The following UPF2 variants were observed in gnomAD, a reference collection of about 807,000 sequenced individuals.
UPF2 encodes the protein regulator of nonsense transcripts 2.
A neutral mutation model predicts 141.4 loss-of-function variants in UPF2; 17 were observed. That is an observed-to-expected ratio of 0.12 (90% confidence interval 0.08 to 0.18). The LOEUF is 0.18. Among genes scored for constraint, UPF2 ranks in the 10% least tolerant of loss-of-function variants. The probability of loss-of-function intolerance (pLI) is 1.00; values close to 1 mark genes in which losing one functional copy is unlikely to be tolerated. For synonymous variants in UPF2, 540 were observed against 498.0 expected, an observed-to-expected ratio of 1.08 and a Z score of -1.12; for missense variants, 1,152 against 1,515.9, an observed-to-expected ratio of 0.76 and a Z score of 3.99.
At chr10:11,965,324 C>G (rs1008886675) in intron 10 of UPF2, among the ~76,000 whole-genome samples, 1 of 152,156 alleles carries the variant, frequency 6.6e-6, no homozygotes. Flanking sequence ...TTTCAGCACT[C>G]AGAACATTTT....
intron 19 of UPF2, among the ~76,000 whole-genome samples, chr10:11,934,389 A>C (rs1037549376): frequency 2.0e-5 from 3 of 152,170 alleles, no homozygotes; most frequent in Admixed American, 6.5e-5. Context: ...GCCAGAGCCC[A>C]ACCCTGGTCG....
chr10:12,027,617 A>T (rs1303245100), intron 3 of UPF2, among the ~76,000 whole-genome samples: 1 of 152,232 alleles, frequency 6.6e-6, no homozygotes, highest in Non-Finnish European at 1.5e-5. Flanking sequence ...ACACAAAACA[A>T]GGATAAGCCT....
upstream of UPF2, chr10:12,043,064 C>T (rs1020264177): frequency 6.6e-6 from 1 of 152,336 alleles, no homozygotes; most frequent in Non-Finnish European, 1.5e-5. Flanking sequence ...GGGTCCGGGG[C>T]AAAGGCTCAT....
chr10:12,005,463 C>T (rs1460041620), intron 4 of UPF2, among the ~76,000 whole-genome samples: 2 of 152,182 alleles, frequency 1.3e-5, no homozygotes, highest in South Asian at 2.1e-4. Flanking sequence ...ACAGTTACAA[C>T]AACCTGATTA....
At position 11,953,343 on chromosome 10, in the gene UPF2, G is replaced by C. The variant is rs146218100; in HGVS notation, c.2851-1094C>G. 2.7e-3 allele frequency among the ~76,000 whole-genome samples: 405 copies of C among 152,262 alleles called. 1 individual carries two copies. The highest frequency in any genetic ancestry group is 4.7e-3 in the Non-Finnish European group (318 of 68,008). On this transcript the variant is annotated intron_variant, in intron 14 of 21. Coordinates refer to ENST00000357604, the MANE Select transcript of UPF2 (RefSeq NM_015542.4). This position sits in a 1 kb window ranked among gnomAD's most constrained non-coding sequence, Gnocchi z 5.0. ...AATCTGCATCTTTACAAAGTCCCCA[G>C]GGGACATGGATGCACAGGAAAGTTT...
At chr10:11,974,880 A>G (rs1022971754) in intron 9 of UPF2, among the ~76,000 whole-genome samples, 3 of 152,114 alleles carry the variant, frequency 2.0e-5, no homozygotes, top group Non-Finnish European at 4.4e-5. Flanking sequence ...TGAAAATTCT[A>G]TTTATATGTT....
Position 12,035,197 on chromosome 10 carries a change from T to C in UPF2, c.227A>G (p.Asp76Gly). The change falls in exon 2 of 22, where the codon GAC becomes GGC. Residue 76 changes from aspartate to glycine, a missense_variant. Asp to Gly is a moderately conservative substitution (Grantham distance 94). Transcript: ENST00000357604. Reference sequence around the variant, plus strand: ...TTCCTCTGCCTTCACCTTTTCTTCGTCTTTTTTCTTGCGTTCCTTGTCTTC... The same window carrying C: ...TTCCTCTGCCTTCACCTTTTCTTCGCCTTTTTTCTTGCGTTCCTTGTCTTC... ...KKEDKERKKK[D>G]EEKVKAEEES... 1 of 1,613,720 alleles carries C rather than the reference T, an allele frequency of 6.2e-7. No homozygotes were observed. The highest frequency in any genetic ancestry group is 1.6e-4 in the Middle Eastern group (1 of 6,062).
At chr10:11,989,305 AT>A (rs1833742626) in intron 8 of UPF2, among the ~76,000 whole-genome samples, 1 of 152,232 alleles carries the variant, frequency 6.6e-6, no homozygotes, top group Admixed American at 6.5e-5. Flanking sequence ...TTATAGCTCA[AT>A]TGATTAAAAT....
chr10:11,931,686 G>C lies in UPF2; in HGVS notation c.3643C>G (p.Leu1215Val). Residue 1215 changes from leucine to valine, a missense_variant, in exon 20 of 22, where the codon CTC becomes GTC. Transcript: ENST00000357604. The surrounding 1 kb of genome is among the most constrained non-coding windows in gnomAD (Gnocchi z 5.9). Reference protein sequence around the residue: ...EQEERMRMKKLTLDINERQEQ... With the variant: ...EQEERMRMKKVTLDINERQEQ... ...TGCCGTTCATTGATATCTAGTGTGA[G>C]CTTTTTCATTCTCATCCTCTCTTCT... is the stretch of plus-strand genomic sequence containing the variant. 6.2e-7 allele frequency: 1 copy of C among 1,612,948 alleles called. No homozygotes were observed. The highest frequency in any genetic ancestry group is 8.5e-7 in the Non-Finnish European group (1 of 1,179,788).
rs950883475 is a variant in UPF2, at chr10:11,959,875, C to A, written c.2185-519G>T. Among the ~76,000 whole-genome samples the A allele has an allele frequency of 5.3e-5, 8 of 152,216 alleles. No individual in the cohort carries two copies. Among genetic ancestry groups the A allele is most frequent in the African/African-American group, 1.9e-4 (8 of 41,464 alleles). On this transcript the variant is annotated intron_variant, in intron 11 of 21. Transcript: ENST00000357604. This position sits in a 1 kb window ranked among gnomAD's most constrained non-coding sequence, Gnocchi z 5.9. ...GTTATACTACTTATCATTTTTAGAA[C>A]ATACTAGCCCGTGCCTACTTAGCCT...
intron 19 of UPF2, among the ~76,000 whole-genome samples, chr10:11,932,012 G>T (rs750583833): frequency 2.4e-4 from 36 of 152,160 alleles, no homozygotes; most frequent in Non-Finnish European, 4.0e-4. Flanking sequence ...AGCTGGGTGT[G>T]GTGGCATGCA....
intron 8 of UPF2, among the ~76,000 whole-genome samples, chr10:11,989,640 G>C (rs966663832): frequency 6.6e-6 from 1 of 152,112 alleles, no homozygotes; most frequent in Non-Finnish European, 1.5e-5. Flanking sequence ...GAGTATTTCC[G>C]TAGCAAGGGA....
At chr10:11,983,002 C>T (rs1373613970) in intron 8 of UPF2, among the ~76,000 whole-genome samples, 3 of 152,152 alleles carry the variant, frequency 2.0e-5, no homozygotes, top group African/African-American at 2.4e-5. Context: ...ATTTGTTACC[C>T]CTACCCACCA....
At chr10:12,024,267 G>C (rs1425874493) in intron 3 of UPF2, among the ~76,000 whole-genome samples, 1 of 152,008 alleles carries the variant, frequency 6.6e-6, no homozygotes, top group African/African-American at 2.4e-5. Context: ...AGGCCAGCCT[G>C]GACAACAGTG....
At chr10:11,961,547 C>A (rs564883762) in intron 11 of UPF2, among the ~76,000 whole-genome samples, 1 of 152,074 alleles carries the variant, frequency 6.6e-6, no homozygotes, top group East Asian at 1.9e-4. Flanking sequence ...GCACTGCACA[C>A]CAAGGTGAGA....
chr10:12,007,956 C>G (rs189908586), intron 4 of UPF2, among the ~76,000 whole-genome samples: 1,958 of 151,088 alleles, frequency 0.013, 21 homozygotes, highest in Middle Eastern at 0.038. Context: ...AATCTCAGCT[C>G]ACTGCAACCT....
intron 3 of UPF2, among the ~76,000 whole-genome samples, chr10:12,023,816 TC>T (rs1834361405): frequency 6.6e-6 from 1 of 151,046 alleles, no homozygotes; most frequent in African/African-American, 2.4e-5. Flanking sequence ...CATGGAGAAA[TC>T]CTGTCTCCAC....
intron 9 of UPF2, among the ~76,000 whole-genome samples, chr10:11,972,081 A>C (rs12415485): frequency 0.07 from 10,308 of 146,452 alleles, 561 homozygotes; most frequent in East Asian, 0.24. Context: ...AAAAAAAAAA[A>C]ACACACAAAA....
chr10:11,955,504 T>C lies in UPF2; in HGVS notation c.2578A>G (p.Asn860Asp). ...LEDIRLGMEV[N>D]QPKFNQRRIS... is the part of the protein sequence containing the mutation. ...CGCCTCTGATTAAATTTAGGTTGATTAACCTAAAAGGCAACAAAACCACAG... is the reference window on the plus strand; with the variant it reads ...CGCCTCTGATTAAATTTAGGTTGATCAACCTAAAAGGCAACAAAACCACAG... Residue 860 changes from asparagine (N) to aspartate (D), a missense_variant, in exon 14 of 22, where the codon AAT becomes GAT. Transcript: ENST00000357604. 2 of 1,609,244 alleles carry C rather than the reference T, an allele frequency of 1.2e-6. No individual in the cohort carries two copies. Among genetic ancestry groups the C allele is most frequent in the South Asian group, 2.2e-5 (2 of 90,398 alleles).
Sources: allele counts gnomAD v4.1 joint callset (sites outside exome capture counted in the v4.1 genomes callset), GRCh38; gene constraint gnomAD v4.1.1; non-coding constraint Gnocchi (gnomAD v3.1); transcripts MANE v1.5; gene names NCBI Gene and HGNC (gene_info 2026-07-23, HGNC 2026-07-21).